Variants in CACNB2 observed in about 807,000 individuals in gnomAD.
CACNB2 encodes voltage-dependent L-type calcium channel subunit beta-2.
A neutral mutation model predicts 73.3 loss-of-function variants in CACNB2; 42 were observed. That is an observed-to-expected ratio of 0.57 (90% CI 0.45 to 0.74). CACNB2 has a LOEUF of 0.74. CACNB2 is among the 30% of genes least tolerant of loss of function. CACNB2 has a pLI of 0.00. For missense variants in CACNB2, 940 were observed against 853.0 expected (o/e 1.10, Z -1.27); for synonymous variants, 348 against 310.3 (o/e 1.12, Z -1.28).
intron 9 of CACNB2, among the ~76,000 whole-genome samples, chr10:18,522,110 G>A (rs1239026738): frequency 6.6e-6 from 1 of 151,906 alleles, no homozygotes; most frequent in East Asian, 1.9e-4. Context: ...TGCATGCGAG[G>A]GATCTAGGTT....
rs578230758 is a variant in CACNB2, at chr10:18,323,389, G to T, written c.214-78535G>T. Among the ~76,000 whole-genome samples the T allele has an allele frequency of 7.3e-4, 110 of 150,684 alleles. 1 individual carries two copies. The highest frequency in any genetic ancestry group is 2.5e-3 in the African/African-American group (102 of 41,100). ...TAAGTATATATTTTTTGAGGGCTTG[G>T]TTTTTTTTTACTGAATATTACATTT... is the stretch of plus-strand genomic sequence containing the variant. On this transcript the variant is annotated intron_variant, in intron 2 of 13. Transcript: ENST00000324631.
chr10:18,363,259 G>T (rs146750657), intron 2 of CACNB2, among the ~76,000 whole-genome samples: 2 of 152,270 alleles, frequency 1.3e-5, no homozygotes, highest in African/African-American at 4.8e-5. Context: ...TTAGCCTGGC[G>T]TTCCAGGCTC....
At chr10:18,478,046 C>G (rs1441198676) in intron 3 of CACNB2, among the ~76,000 whole-genome samples, 3 of 152,264 alleles carry the variant, frequency 2.0e-5, no homozygotes, top group South Asian at 4.1e-4. Context: ...ATTCTCCTGC[C>G]TCAGCCTCGC....
rs760513979 is a variant in CACNB2 at position 18,518,988 on chromosome 10, G to T, written c.944+20G>T. 1.2e-6 allele frequency: 2 copies of T among 1,611,412 alleles called. No homozygotes were observed. Among genetic ancestry groups the T allele is most frequent in the Non-Finnish European group, 1.7e-6 (2 of 1,177,680 alleles). ...AGGGCGGTGAGTATTTCAGCATACT[G>T]GGTTTTGTGGATTTTGTCTTAAAGA... is the stretch of plus-strand genomic sequence containing the variant. On this transcript the variant is annotated intron_variant, in intron 9 of 13. Coordinates refer to ENST00000324631, the MANE Select transcript of CACNB2 (RefSeq NM_201596.3).
intron 2 of CACNB2, among the ~76,000 whole-genome samples, chr10:18,281,438 G>C (rs1417520734): frequency 6.6e-6 from 1 of 152,176 alleles, no homozygotes; most frequent in Non-Finnish European, 1.5e-5. Context: ...TAATTAGTAA[G>C]ACAACTAACA....
intron 2 of CACNB2, among the ~76,000 whole-genome samples, chr10:18,230,647 T>A (rs2131445535): frequency 6.6e-6 from 1 of 152,274 alleles, no homozygotes; most frequent in East Asian, 1.9e-4. Context: ...TGAAGTAAAA[T>A]ATGTCATTCT....
chr10:18,500,972 T>C, intron 5 of CACNB2, 24 bp downstream of exon 5: 3 of 1,610,458 alleles, frequency 1.9e-6, no homozygotes, highest in Non-Finnish European at 2.5e-6. Context: ...GTCAAGTGTT[T>C]GCATAAAACT....
intron 2 of CACNB2, among the ~76,000 whole-genome samples, chr10:18,389,919 A>G (rs1342951896): frequency 6.6e-6 from 1 of 152,168 alleles, no homozygotes; most frequent in African/African-American, 2.4e-5. Flanking sequence ...TTCTATTAAT[A>G]TCCTTTATTT....
chr10:18,260,874 T>A, intron 2 of CACNB2: 14 of 1,093,720 alleles, frequency 1.3e-5, no homozygotes, highest in Non-Finnish European at 1.3e-5. Context: ...ACTCAGATGT[T>A]TGAAAATCTC....
intron 7 of CACNB2, among the ~76,000 whole-genome samples, chr10:18,515,529 C>T (rs11014594): frequency 0.048 from 7,339 of 152,328 alleles, 270 homozygotes; most frequent in Non-Finnish European, 0.077. Context: ...TGTGGAGGAA[C>T]TCAAGTCATT....
At chr10:18,403,838 T>A (rs974543794) in intron 3 of CACNB2, among the ~76,000 whole-genome samples, 1 of 151,802 alleles carries the variant, frequency 6.6e-6, no homozygotes, top group Non-Finnish European at 1.5e-5. Context: ...GATAGTTTAT[T>A]TAATGGGTGA....
chr10:18,368,340 A>C (rs1421419371), intron 2 of CACNB2, among the ~76,000 whole-genome samples: 1 of 152,176 alleles, frequency 6.6e-6, no homozygotes, highest in Non-Finnish European at 1.5e-5. Context: ...AAAGAGTAGG[A>C]TATGACTCCA....
intron 3 of CACNB2, among the ~76,000 whole-genome samples, chr10:18,492,482 G>A (rs376509621): frequency 6.6e-6 from 1 of 152,176 alleles, no homozygotes; most frequent in East Asian, 1.9e-4. Flanking sequence ...TTAGCCGGGT[G>A]TGGTGGCATG....
At chr10:18,505,981 T>C (rs537492566) in intron 5 of CACNB2, among the ~76,000 whole-genome samples, 45 of 152,354 alleles carry the variant, frequency 3.0e-4, no homozygotes, top group African/African-American at 1.0e-3. Context: ...AGTTTTCATA[T>C]GGCTCTGTTG....
At chr10:18,434,216 A>C (rs11014214) in intron 3 of CACNB2, among the ~76,000 whole-genome samples, 4,779 of 152,258 alleles carry the variant, frequency 0.031, 295 homozygotes, top group African/African-American at 0.11. Flanking sequence ...TTAAAAACAA[A>C]TTTATATTAT....
chr10:18,303,759 G>A (rs1047695726), intron 2 of CACNB2, among the ~76,000 whole-genome samples: 6 of 152,208 alleles, frequency 3.9e-5, no homozygotes, highest in African/African-American at 1.4e-4. Context: ...CCCTTGACTA[G>A]TTGTGGCACT....
intron 2 of CACNB2, among the ~76,000 whole-genome samples, chr10:18,177,747 C>G (rs1328037015): frequency 6.6e-6 from 1 of 152,138 alleles, no homozygotes; most frequent in African/African-American, 2.4e-5. Flanking sequence ...CAGGAAAAGC[C>G]AATTTTGCAT....
intron 4 of CACNB2, 95 bp downstream of exon 4, chr10:18,498,572 A>G (rs1301919350): frequency 1.6e-6 from 2 of 1,238,042 alleles, no homozygotes; most frequent in African/African-American, 3.0e-5. Context: ...GTGAAGTAGC[A>G]TTGCACATCG....
intron 2 of CACNB2, among the ~76,000 whole-genome samples, chr10:18,220,232 T>TGGG (rs2035719332): frequency 8.0e-5 from 2 of 25,084 alleles, no homozygotes; most frequent in African/African-American, 4.9e-4. Context: ...TATATATATA[T>TGGG]AGAGAGAGAG....
Sources: gnomAD v4.1 joint callset for allele counts (sites outside exome capture counted in the v4.1 genomes callset) on GRCh38, gnomAD v4.1.1 for gene constraint, MANE v1.5 for transcripts, NCBI Gene and HGNC (gene_info 2026-07-23, HGNC 2026-07-21) for gene names.